The following PTPRD variants were observed in gnomAD, a reference collection of about 807,000 sequenced individuals.
The protein encoded by PTPRD is protein tyrosine phosphatase receptor type D.
Under a neutral mutation model 214.5 loss-of-function variants are expected in PTPRD, and 34 were observed. The ratio of observed to expected loss-of-function variants is 0.16; its 90% CI spans 0.12 to 0.21. The LOEUF (loss-of-function observed/expected upper bound fraction) is 0.21. PTPRD is among the 10% of genes least tolerant of loss of function. PTPRD has a pLI of 1.00. For missense variants in PTPRD, 2,545 were observed against 2,398.7 expected, an observed-to-expected ratio of 1.06 and a Z score of -1.27; for synonymous variants, 1,128 against 845.7, an observed-to-expected ratio of 1.33 and a Z score of -5.79.
At chr9:8,675,597 A>G (rs1177422295) in intron 12 of PTPRD, among the ~76,000 whole-genome samples, 1 of 146,958 alleles carries the variant, frequency 6.8e-6, no homozygotes, top group Non-Finnish European at 1.5e-5. Context: ...CCTCCATCAC[A>G]CTCAATACCT....
At position 8,948,505 on chromosome 9, in the gene PTPRD, T is replaced by A. The variant is rs4008143; in HGVS notation, c.-104+70192A>T. 2.9e-3 allele frequency among the ~76,000 whole-genome samples: 38 copies of A among 13,040 alleles called. 5 individuals are homozygous for A. The highest frequency in any genetic ancestry group is 4.7e-3 in the Non-Finnish European group (28 of 5,918). 8.6% of individuals were successfully genotyped at this position (13,040 alleles called of 152,430 possible). A position where few individuals can be genotyped will look rare whatever the true frequency, so the allele number is the denominator to read the frequency against. On this transcript the variant is annotated intron_variant, in intron 11 of 45. Transcript: ENST00000381196. ...TTTATATATATATTTATATATATAT[T>A]TATATATATATATTTATATATATAT...
At chr9:9,254,164 G>T (rs924679853) in intron 9 of PTPRD, among the ~76,000 whole-genome samples, 7 of 152,044 alleles carry the variant, frequency 4.6e-5, no homozygotes, top group Admixed American at 3.3e-4. Flanking sequence ...ATATTAATAG[G>T]CTCCAGGGAT....
chr9:8,971,055 C>G (rs2154332014), intron 11 of PTPRD, among the ~76,000 whole-genome samples: 1 of 149,204 alleles, frequency 6.7e-6, no homozygotes, highest in South Asian at 2.1e-4. Flanking sequence ...AAACAAATAT[C>G]AAACTGTCAC....
At chr9:8,985,074 A>T (rs947383685) in intron 11 of PTPRD, among the ~76,000 whole-genome samples, 1 of 152,094 alleles carries the variant, frequency 6.6e-6, no homozygotes, top group East Asian at 1.9e-4. Context: ...TGAAAGAAAA[A>T]CATCTCGCAA....
At chr9:9,504,488 G>A (rs2096524941) in intron 8 of PTPRD, among the ~76,000 whole-genome samples, 1 of 151,602 alleles carries the variant, frequency 6.6e-6, no homozygotes, top group African/African-American at 2.4e-5. Flanking sequence ...AAAAACAGGT[G>A]TTAAAGAAAC....
chr9:9,271,594 G>C (rs1490234688), intron 9 of PTPRD, among the ~76,000 whole-genome samples: 2 of 151,244 alleles, frequency 1.3e-5, no homozygotes, highest in African/African-American at 4.8e-5. Context: ...TTAAAATCTG[G>C]ATAGCAAGTA....
intron 3 of PTPRD, among the ~76,000 whole-genome samples, chr9:10,150,880 AG>A (rs2154277616): frequency 6.6e-6 from 1 of 152,106 alleles, no homozygotes; most frequent in African/African-American, 2.4e-5. Context: ...AAAATTTTAT[AG>A]TATCCCCAAA....
At chr9:9,065,922 C>T (rs531027692) in intron 10 of PTPRD, among the ~76,000 whole-genome samples, 10 of 152,198 alleles carry the variant, frequency 6.6e-5, no homozygotes, top group Middle Eastern at 3.4e-3. Context: ...TAATTCATAA[C>T]TTAATGGTAA....
chr9:10,410,957 A>G (rs1264888483), intron 2 of PTPRD, among the ~76,000 whole-genome samples: 2 of 151,808 alleles, frequency 1.3e-5, no homozygotes, highest in Admixed American at 6.6e-5. Flanking sequence ...GTTCCTTATC[A>G]ATAATATGGG....
At chr9:8,711,207 A>G (rs2098326330) in intron 12 of PTPRD, among the ~76,000 whole-genome samples, 1 of 150,826 alleles carries the variant, frequency 6.6e-6, no homozygotes, top group South Asian at 2.1e-4. Context: ...GCAATATAAA[A>G]TAATTGTCTT....
chr9:10,480,539 T>A (rs2099091201), intron 2 of PTPRD, among the ~76,000 whole-genome samples: 1 of 151,080 alleles, frequency 6.6e-6, no homozygotes, highest in Admixed American at 6.6e-5. Context: ...TTTATAAACT[T>A]CCGAAGAAAT....
chr9:9,217,309 G>A (rs2099952953), intron 9 of PTPRD, among the ~76,000 whole-genome samples: 1 of 152,154 alleles, frequency 6.6e-6, no homozygotes, highest in African/African-American at 2.4e-5. Context: ...GGGTACTTAA[G>A]AAGCCTGCGT....
chr9:9,968,845 A>G (rs888887990), intron 4 of PTPRD, among the ~76,000 whole-genome samples: 2 of 152,170 alleles, frequency 1.3e-5, no homozygotes, highest in Non-Finnish European at 2.9e-5. Context: ...ATGAAAAAGA[A>G]CCAAAGACAC....
chr9:8,711,649 G>T (rs995018756), intron 12 of PTPRD, among the ~76,000 whole-genome samples: 1 of 152,120 alleles, frequency 6.6e-6, no homozygotes, highest in Non-Finnish European at 1.5e-5. Context: ...AAATCTATTA[G>T]CCCAGACCCC....
intron 14 of PTPRD, among the ~76,000 whole-genome samples, chr9:8,549,460 A>G (rs955843792): frequency 1.3e-5 from 2 of 152,238 alleles, no homozygotes; most frequent in African/African-American, 4.8e-5. Flanking sequence ...AAGAATTTAC[A>G]GTGAGAAGAG....
At chr9:8,411,300 CTTTTAT>C (rs145652675) in intron 35 of PTPRD, among the ~76,000 whole-genome samples, 34 of 151,186 alleles carry the variant, frequency 2.2e-4, no homozygotes, top group Middle Eastern at 3.4e-3. Flanking sequence ...TTTTATTTAT[CTTTTAT>C]TTTTATTTTT....
At chr9:10,427,121 G>A (rs1368902789) in intron 2 of PTPRD, among the ~76,000 whole-genome samples, 1 of 151,222 alleles carries the variant, frequency 6.6e-6, no homozygotes, top group East Asian at 1.9e-4. Context: ...CAGATAAAAT[G>A]TAGATTCAGT....
chr9:10,291,488 T>G (rs1222080169), intron 3 of PTPRD, among the ~76,000 whole-genome samples: 1 of 152,034 alleles, frequency 6.6e-6, no homozygotes, highest in African/African-American at 2.4e-5. Context: ...TCACAAGTGT[T>G]TTTAATAAAC....
chr9:10,520,465 G>A (rs2051801667), intron 2 of PTPRD, among the ~76,000 whole-genome samples: 1 of 152,170 alleles, frequency 6.6e-6, no homozygotes, highest in Non-Finnish European at 1.5e-5. Context: ...AAAAGTGCAA[G>A]GTGAAGCAGC....
Sources: gnomAD v4.1 joint callset for allele counts (sites outside exome capture counted in the v4.1 genomes callset) on GRCh38, gnomAD v4.1.1 for gene constraint, MANE v1.5 for transcripts, NCBI Gene and HGNC (gene_info 2026-07-23, HGNC 2026-07-21) for gene names.